The following SAP30BP variants were observed in gnomAD, a reference collection of about 807,000 sequenced individuals.
The protein encoded by SAP30BP is SAP30-binding protein.
A neutral mutation model predicts 46.3 loss-of-function variants in SAP30BP; 31 were observed. That is an observed-to-expected ratio of 0.67 (90% CI 0.50 to 0.90). SAP30BP has a LOEUF of 0.90. Ranked by LOEUF, SAP30BP falls within the 40% of genes least tolerant of loss-of-function variation. The pLI is 0.00. For missense variants in SAP30BP, 312 were observed against 391.0 expected (o/e 0.80, Z 1.70); for synonymous variants, 169 against 144.2 (o/e 1.17, Z -1.23).
rs2060523202 is a variant in SAP30BP, at chr17:75,707,965, T to G, written c.*1444T>G. 6.6e-6 allele frequency: 1 copy of G among 152,212 alleles called. No individual in the cohort carries two copies. 9.4% of individuals were successfully genotyped at this position (152,212 alleles called of 1,614,324 possible). ...CCCTTAACCTCTGTAAGCCTGTTTC[T>G]TCTCTGAAATCACAGTAATAAAGCG... On this transcript the variant is annotated 3_prime_UTR_variant, in exon 11 of 11. Transcript: ENST00000584667.
In SAP30BP at chr17:75,677,106, C is replaced by CTTT. The variant is rs35919373; in HGVS notation, c.264+5262_264+5264dup. ...TCATTTTTACTGTCCTGGCAGAAAA[C>CTTT]TTTTTTTTTTTTTTTTTTTTTGAGA... On this transcript the variant is annotated intron_variant, in intron 3 of 10. Coordinates refer to ENST00000584667, the MANE Select transcript of SAP30BP (RefSeq NM_013260.8). Among the ~76,000 whole-genome samples, 253 of 113,454 alleles carry CTTT rather than the reference C, an allele frequency of 2.2e-3. 2 individuals are homozygous for CTTT. Among genetic ancestry groups the CTTT allele is most frequent in the Non-Finnish European group, 3.5e-3 (202 of 57,144 alleles). 74.4% of individuals were successfully genotyped at this position (113,454 alleles called of 152,430 possible).
At chr17:75,696,634 A>G (rs1201112142) in intron 4 of SAP30BP, among the ~76,000 whole-genome samples, 2 of 151,960 alleles carry the variant, frequency 1.3e-5, no homozygotes, top group Non-Finnish European at 2.9e-5. Context: ...GGAGAGGACC[A>G]CTGAAAGATT....
At chr17:75,680,469 C>T (rs1317603402) in intron 3 of SAP30BP, among the ~76,000 whole-genome samples, 1 of 152,166 alleles carries the variant, frequency 6.6e-6, no homozygotes, top group Non-Finnish European at 1.5e-5. Context: ...GGCTGTGGAA[C>T]CACAGGCCTG....
At chr17:75,691,598 G>C (rs370413186) in intron 3 of SAP30BP, 1 of 413,934 alleles carries the variant, frequency 2.4e-6, no homozygotes, top group African/African-American at 2.1e-5. Flanking sequence ...CTTTGGGGTA[G>C]ACATGGTAGA....
At position 75,699,757 on chromosome 17, in the gene SAP30BP, A is replaced by G. The variant is rs776405748; in HGVS notation, c.308-26A>G. On this transcript the variant is annotated intron_variant, in intron 4 of 10. Coordinates refer to ENST00000584667, the MANE Select transcript of SAP30BP (RefSeq NM_013260.8). ...GTCCCTTGTTCTAATCCCCACCTAC[A>G]GAATTTTTCCTTCTTCTCTCAACAG... 5.8e-6 allele frequency: 9 copies of G among 1,564,766 alleles called. No homozygotes were observed. In the South Asian group the frequency reaches 7.8e-5, roughly 14 times the overall value.
chr17:75,667,384 G>A lies in SAP30BP; in HGVS notation c.12G>A (p.Lys4=), dbSNP rs1259147467. The A allele has an allele frequency of 3.1e-6, 5 of 1,614,226 alleles. No individual in the cohort carries two copies. The highest frequency in any genetic ancestry group is 4.2e-6 in the Non-Finnish European group (5 of 1,180,038). MAG[K]KNVLSSLAVY... ...GCTGTGGGAATAAGATGGCGGGGAAGAAGAATGTTCTGTCGTCTCTCGCAG... is the reference window on the plus strand; with the variant it reads ...GCTGTGGGAATAAGATGGCGGGGAAAAAGAATGTTCTGTCGTCTCTCGCAG... Residue 4 remains lysine (K), a synonymous_variant, in exon 1 of 11, where the codon AAG becomes AAA. Coordinates refer to ENST00000584667, the MANE Select transcript of SAP30BP (RefSeq NM_013260.8).
chr17:75,683,951 G>A (rs1330099731), intron 3 of SAP30BP: 2 of 152,160 alleles, frequency 1.3e-5, no homozygotes, highest in Non-Finnish European at 2.9e-5. Flanking sequence ...TTAAGTCCAG[G>A]GTTTTAATAC....
At chr17:75,682,055 T>A (rs914855333) in intron 3 of SAP30BP, among the ~76,000 whole-genome samples, 2 of 151,970 alleles carry the variant, frequency 1.3e-5, no homozygotes, top group African/African-American at 4.8e-5. Context: ...ATGGACAGAG[T>A]TATTTTTTTA....
rs2060515201 is a variant in SAP30BP, at chr17:75,707,468, A to G, written c.*947A>G. On this transcript the variant is annotated 3_prime_UTR_variant, in exon 11 of 11. Transcript: ENST00000584667. Reference sequence around the variant, plus strand: ...CAGAGGAGACTATTTACCCTTCATGATCTTTGGCGATTCTCCACTGGAGCG... The same window carrying G: ...CAGAGGAGACTATTTACCCTTCATGGTCTTTGGCGATTCTCCACTGGAGCG... 1 of 152,472 alleles carries G rather than the reference A, an allele frequency of 6.6e-6. No individual in the cohort carries two copies. The highest frequency in any genetic ancestry group is 2.4e-5 in the African/African-American group (1 of 41,380). The allele number at this position is 152,472 out of a possible 1,614,324, so 9.4% of individuals were successfully genotyped here.
intron 2 of SAP30BP, among the ~76,000 whole-genome samples, chr17:75,669,333 T>G (rs1219391127): frequency 1.3e-5 from 2 of 152,092 alleles, no homozygotes; most frequent in Non-Finnish European, 2.9e-5. Context: ...AACCTCCACC[T>G]CCCAGGTTCA....
At position 75,671,840 on chromosome 17, in the gene SAP30BP, A is replaced by C; in HGVS notation, c.241A>C (p.Lys81Gln). 4 of 1,613,828 alleles carry C rather than the reference A, an allele frequency of 2.5e-6. No homozygotes were observed. The highest frequency in any genetic ancestry group is 3.4e-6 in the Non-Finnish European group (4 of 1,179,806). ...GGAAGATGACGATTCAGAGACTGAAAAACCTGAGGCTGATGACCCAAAGGT... is the reference window on the plus strand; with the variant it reads ...GGAAGATGACGATTCAGAGACTGAACAACCTGAGGCTGATGACCCAAAGGT... Reference protein sequence around the residue: ...QSEDDDSETEKPEADDPKDNT... With the variant: ...QSEDDDSETEQPEADDPKDNT... Residue 81 changes from lysine (K) to glutamine (Q), a missense_variant, in exon 3 of 11, where the codon AAA becomes CAA. Around this residue, in one of 2 missense-constraint regions of SAP30BP, gnomAD observed 296 missense variants for 346.6 expected, o/e 0.85. Coordinates refer to ENST00000584667, the MANE Select transcript of SAP30BP (RefSeq NM_013260.8).
At chr17:75,685,300 G>A (rs528798951) in intron 3 of SAP30BP, among the ~76,000 whole-genome samples, 1 of 152,174 alleles carries the variant, frequency 6.6e-6, no homozygotes, top group African/African-American at 2.4e-5. Context: ...CAGCACTTCC[G>A]ACCTTCGTTC....
At chr17:75,687,917 G>GGGGTGTGTGTGTGTGT (rs557349211) in intron 3 of SAP30BP, among the ~76,000 whole-genome samples, 3 of 120,366 alleles carry the variant, frequency 2.5e-5, no homozygotes, top group African/African-American at 9.1e-5. Context: ...CAGTGTTTGG[G>GGGGTGTGTGTGTGTGT]GTGTGTGTGT....
At chr17:75,667,865 A>G (rs946342866) in intron 1 of SAP30BP, among the ~76,000 whole-genome samples, 33 of 152,252 alleles carry the variant, frequency 2.2e-4, no homozygotes, top group African/African-American at 7.7e-4. Flanking sequence ...ACTTTTAGTT[A>G]GGAATGTGCC....
intron 3 of SAP30BP, among the ~76,000 whole-genome samples, chr17:75,685,848 G>A (rs1355616694): frequency 2.6e-5 from 4 of 152,046 alleles, no homozygotes; most frequent in African/African-American, 4.8e-5. Context: ...AGATACACCC[G>A]TTCCTGACAC....
chr17:75,685,232 T>C (rs1441404034), intron 3 of SAP30BP, among the ~76,000 whole-genome samples: 1 of 151,934 alleles, frequency 6.6e-6, no homozygotes, highest in Admixed American at 6.5e-5. Context: ...TCCTTCCCCA[T>C]CTGGGACTCA....
intron 3 of SAP30BP, chr17:75,693,230 G>T: frequency 1.8e-6 from 1 of 563,452 alleles, no homozygotes; most frequent in Non-Finnish European, 3.2e-6. Context: ...CCGGCGTGGG[G>T]CTCGGGAGCA....
At chr17:75,671,067 G>A (rs537177109) in intron 2 of SAP30BP, among the ~76,000 whole-genome samples, 11 of 152,290 alleles carry the variant, frequency 7.2e-5, no homozygotes, top group African/African-American at 2.6e-4. Flanking sequence ...TGGCGGGCTC[G>A]CTTTGGAGAA....
chr17:75,683,050 A>ATT (rs139510164), intron 3 of SAP30BP, among the ~76,000 whole-genome samples: 43,232 of 137,214 alleles, frequency 0.32, 7,453 homozygotes, highest in East Asian at 0.47. Flanking sequence ...TTATTTATTT[A>ATT]TTTATTTTTT....
Sources: allele counts gnomAD v4.1 joint callset (sites outside exome capture counted in the v4.1 genomes callset), GRCh38; gene constraint gnomAD v4.1.1; regional missense constraint gnomAD v4.1.1; transcripts MANE v1.5; gene names NCBI Gene and HGNC (gene_info 2026-07-23, HGNC 2026-07-21).